GALNS: variants seen among roughly 807,000 people sequenced by gnomAD.
The protein encoded by GALNS is N-acetylgalactosamine-6-sulfatase.
A neutral mutation model predicts 65.9 loss-of-function variants in GALNS; 65 were observed. That is an observed-to-expected ratio of 0.99 (90% confidence interval 0.81 to 1.21). The LOEUF (loss-of-function observed/expected upper bound fraction) is 1.21. Among genes scored for constraint, GALNS ranks in the 50% most tolerant of loss-of-function variants. The pLI, the probability that GALNS is intolerant of heterozygous loss-of-function variation, is 0.00. For missense variants in GALNS, 776 were observed against 700.7 expected (o/e 1.11, Z -1.21); for synonymous variants, 346 against 288.9 (o/e 1.20, Z -2.00).
At chr16:88,837,934 C>A in intron 4 of GALNS, 169 bp from the exon 5 acceptor site, 1 of 672,716 alleles carries the variant, frequency 1.5e-6, no homozygotes, top group South Asian at 1.8e-5. Context: ...AGGCCTCACC[C>A]GAGGAGGGTG....
chr16:88,841,209 CG>C, intron 3 of GALNS, 115 bp from the exon 4 acceptor site: 1 of 823,872 alleles, frequency 1.2e-6, no homozygotes, highest in Non-Finnish European at 2.1e-6. Context: ...ACTGGCCCCT[CG>C]GGGTCAAAGG....
At chr16:88,832,133 G>T (rs765334446) in intron 8 of GALNS, 32 bp from the exon 9 acceptor site, 1 of 1,580,034 alleles carries the variant, frequency 6.3e-7, no homozygotes, top group East Asian at 2.3e-5. Flanking sequence ...CAGGCCACTG[G>T]GACCAGATGT....
chr16:88,835,075 C>T (rs980427077), intron 8 of GALNS, 138 bp downstream of exon 8: 37 of 1,127,940 alleles, frequency 3.3e-5, no homozygotes, highest in Non-Finnish European at 5.1e-6. Flanking sequence ...GGCTCGGTGA[C>T]ATCTGCTCCT....
chr16:88,828,183 T>G lies in GALNS; in HGVS notation c.1003-1345A>C, dbSNP rs114428502. ...GTGCGACTGCTTCCCGTCCTTCCCG[T>G]GTCCTTTAAAGGACAGAATAATAAA... On this transcript the variant is annotated intron_variant, in intron 9 of 13. Coordinates refer to ENST00000268695, the MANE Select transcript of GALNS (RefSeq NM_000512.5). Among the ~76,000 whole-genome samples, 858 of 152,162 alleles carry G rather than the reference T, an allele frequency of 5.6e-3. 10 individuals carry two copies. The highest frequency in any genetic ancestry group is 0.02 in the African/African-American group (817 of 41,504).
intron 12 of GALNS, 131 bp from the exon 13 acceptor site, chr16:88,818,255 T>C: frequency 1.3e-6 from 1 of 772,484 alleles, no homozygotes; most frequent in Non-Finnish European, 2.2e-6. Context: ...TGGGACCATG[T>C]GCTCAAGCCT....
chr16:88,836,116 G>A (rs945934321), intron 6 of GALNS, 85 bp downstream of exon 6: 1 of 1,322,806 alleles, frequency 7.6e-7, no homozygotes, highest in African/African-American at 1.5e-5. Context: ...ATGCATTCCT[G>A]TCCCCACGCC....
At chr16:88,849,012 G>A (rs1178688595) in intron 1 of GALNS, among the ~76,000 whole-genome samples, 1 of 152,222 alleles carries the variant, frequency 6.6e-6, no homozygotes, top group East Asian at 1.9e-4. Flanking sequence ...CCTAACGTGT[G>A]GAGTCCCAGA....
At chr16:88,836,067 T>C in intron 6 of GALNS, 134 bp downstream of exon 6, 1 of 1,079,836 alleles carries the variant, frequency 9.3e-7, no homozygotes. Flanking sequence ...GCGAGGGTGA[T>C]GAGGTCCCTG....
rs140162658 is a variant in GALNS at position 88,835,818 on chromosome 16, C to T, written c.665G>A (p.Arg222Gln). The T allele has an allele frequency of 7.1e-5, 114 of 1,614,032 alleles. No homozygotes were observed. In the Middle Eastern group the frequency reaches 8.2e-4, roughly 12 times the overall value. ...EALDFIKRQA[R>Q]HHPFFLYWAV... ...CCAGTAGAGGAAAAAGGGGTGGTGC[C>T]GTGCCTGTCTCTTAATGAAGTCCAG... The change falls in exon 7 of 14, where the codon CGG (arginine) becomes CAG (glutamine). Residue 222 changes from arginine to glutamine, a missense_variant. By Grantham distance (43) the Arg-to-Gln change is conservative. Coordinates refer to ENST00000268695, the MANE Select transcript of GALNS (RefSeq NM_000512.5).
intron 13 of GALNS, chr16:88,816,230 C>G (rs1470394756): frequency 1.1e-5 from 11 of 985,342 alleles, no homozygotes; most frequent in Non-Finnish European, 1.2e-5. Flanking sequence ...CTCCCCTGCC[C>G]TGTGCCCACT....
At position 88,814,495 on chromosome 16, in the gene GALNS, C is replaced by G. The variant is rs761539025; in HGVS notation, c.1513G>C (p.Gly505Arg). ...NWAPPGCEKL[G>R]KCLTPPESIP... is the part of the protein sequence containing the mutation. ...GATTCTGGAGGTGTCAGACACTTCC[C>G]TAACTTTTCACAGCCCGGAGGTGCC... is the stretch of plus-strand genomic sequence containing the variant. The change falls in exon 14 of 14, where the codon GGG becomes CGG. Residue 505 changes from glycine (G) to arginine (R), a missense_variant. Gly to Arg is a moderately radical substitution (Grantham distance 125). Transcript: ENST00000268695. 2.6e-6 allele frequency: 4 copies of G among 1,561,608 alleles called. No individual in the cohort carries two copies. The highest frequency in any genetic ancestry group is 2.7e-5 in the African/African-American group (2 of 73,790).
intron 1 of GALNS, among the ~76,000 whole-genome samples, chr16:88,846,896 G>A (rs1421137230): frequency 2.0e-5 from 3 of 152,214 alleles, no homozygotes; most frequent in Admixed American, 1.3e-4. Flanking sequence ...GGAGGCTCCT[G>A]GGATGGGTGA....
intron 1 of GALNS, chr16:88,855,427 A>G (rs1433205476): frequency 1.4e-6 from 1 of 702,854 alleles, no homozygotes; most frequent in South Asian, 1.5e-5. Context: ...AAGTATCTTT[A>G]GGAGGGAGAT....
At chr16:88,827,016 G>T in intron 9 of GALNS, 178 bp from the exon 10 acceptor site, 1 of 728,086 alleles carries the variant, frequency 1.4e-6, no homozygotes, top group Non-Finnish European at 2.3e-6. Flanking sequence ...AGACAGAGGA[G>T]CCTCAAACCA....
At chr16:88,843,292 C>T (rs80202043) in intron 1 of GALNS, 3 of 1,098,460 alleles carry the variant, frequency 2.7e-6, no homozygotes, top group African/African-American at 1.6e-5. Context: ...GCCCAGTTAT[C>T]GTGTGACCCT....
At chr16:88,830,247 A>C (rs926875968) in intron 9 of GALNS, among the ~76,000 whole-genome samples, 2 of 150,594 alleles carry the variant, frequency 1.3e-5, no homozygotes, top group East Asian at 3.9e-4. Flanking sequence ...AAAAAAAAAA[A>C]AAAAAAAAAC....
intron 9 of GALNS, 51 bp downstream of exon 9, chr16:88,831,945 GAT>G: frequency 1.3e-6 from 2 of 1,503,234 alleles, no homozygotes; most frequent in South Asian, 2.3e-5. Context: ...CACACCCTGG[GAT>G]GGCTGCAGGC....
intron 6 of GALNS, 145 bp downstream of exon 6, chr16:88,836,056 G>C: frequency 9.0e-7 from 1 of 1,111,852 alleles, no homozygotes; most frequent in Middle Eastern, 2.3e-4. Context: ...CGTCCCACGG[G>C]GCGAGGGTGA....
chr16:88,842,805 A>G lies in GALNS; in HGVS notation c.145T>C (p.Tyr49His). ...DDMGWGDLGVYGEPSRETPNL... is the reference protein window; with the variant it reads ...DDMGWGDLGVHGEPSRETPNL... Reference sequence around the variant, plus strand: ...GGGGTCTCTCTGGAGGGCTCTCCATACACCCCGAGGTCACCCCATCCCATC... The same window carrying G: ...GGGGTCTCTCTGGAGGGCTCTCCATGCACCCCGAGGTCACCCCATCCCATC... The change falls in exon 2 of 14, where the codon TAT (tyrosine) becomes CAT (histidine). Residue 49 changes from tyrosine (Y) to histidine (H), a missense_variant. Transcript: ENST00000268695. 2 of 1,613,406 alleles carry G rather than the reference A, an allele frequency of 1.2e-6. No individual in the cohort carries two copies. The highest frequency in any genetic ancestry group is 1.7e-6 in the Non-Finnish European group (2 of 1,179,952).
Sources: allele counts gnomAD v4.1 joint callset (sites outside exome capture counted in the v4.1 genomes callset), GRCh38; gene constraint gnomAD v4.1.1; transcripts MANE v1.5; gene names NCBI Gene and HGNC (gene_info 2026-07-23, HGNC 2026-07-21).